The following DTD1 variants were observed in gnomAD, a reference collection of about 807,000 sequenced individuals.
DTD1 encodes D-aminoacyl-tRNA deacylase 1.
DTD1 carries 13 observed loss-of-function variants against 25.6 expected under a neutral mutation model. The observed-to-expected ratio is 0.51, with a 90% CI of 0.33 to 0.81. DTD1 has a LOEUF of 0.81. Ranked by LOEUF, DTD1 falls within the 30% of genes least tolerant of loss-of-function variation. DTD1 has a pLI of 0.02. For synonymous variants in DTD1, 110 were observed against 103.6 expected (o/e 1.06, Z -0.37); for missense variants, 193 against 266.4 (o/e 0.72, Z 1.92).
intron 4 of DTD1, among the ~76,000 whole-genome samples, chr20:18,707,032 G>A (rs2061129427): frequency 6.6e-6 from 1 of 152,194 alleles, no homozygotes; most frequent in Admixed American, 6.5e-5. Context: ...GGTGTGGGGT[G>A]GATGCCACTG....
In DTD1 at chr20:18,670,836, A is replaced by C. The variant is rs187415805; in HGVS notation, c.477+42603A>C. On this transcript the variant is annotated intron_variant, in intron 4 of 5. Coordinates refer to ENST00000377452, the MANE Select transcript of DTD1 (RefSeq NM_080820.6). The stretch of plus-strand genomic sequence containing the variant: ...ACATCCAGACAGTGAAAACATTGTC[A>C]TCATCATCAGTATCACCTATTAACA... Among the ~76,000 whole-genome samples the C allele has an allele frequency of 1.1e-3, 170 of 152,346 alleles. 1 individual carries two copies. Among genetic ancestry groups the C allele is most frequent in the African/African-American group, 3.9e-3 (162 of 41,576 alleles).
chr20:18,692,753 C>T (rs1314654423), intron 4 of DTD1, among the ~76,000 whole-genome samples: 1 of 152,200 alleles, frequency 6.6e-6, no homozygotes, highest in African/African-American at 2.4e-5. Flanking sequence ...GAAATCATCC[C>T]TGAAAAATCT....
Position 18,646,712 on chromosome 20 carries a change from G to A in DTD1, c.477+18479G>A, listed in dbSNP as rs146362544. 3.7e-4 allele frequency among the ~76,000 whole-genome samples: 57 copies of A among 152,276 alleles called. 1 individual carries two copies. The East Asian group carries it at 0.01, about 28-fold the overall frequency. ...TGGTGTTGACAGTTGGCCATTCATA[G>A]GTGTGCCTTCCTCATGTGCCCTCAT... On this transcript the variant is annotated intron_variant, in intron 4 of 5. Transcript: ENST00000377452.
intron 4 of DTD1, among the ~76,000 whole-genome samples, chr20:18,688,410 A>G (rs1392529198): frequency 6.6e-6 from 1 of 152,174 alleles, no homozygotes; most frequent in African/African-American, 2.4e-5. Context: ...GTGTGAACCT[A>G]GATTCATGCA....
Position 18,761,038 on chromosome 20 carries a change from C to T in DTD1, c.*20-2322C>T, listed in dbSNP as rs372658607. ...TGGGCGTAGGACCCTCAGAGCCATG[C>T]GCGGGATATAATCTCCTGGTGTGCC... is the stretch of plus-strand genomic sequence containing the variant. On this transcript the variant is annotated intron_variant, in intron 5 of 5. Coordinates refer to ENST00000377452, the MANE Select transcript of DTD1 (RefSeq NM_080820.6). 1.8e-3 allele frequency among the ~76,000 whole-genome samples: 271 copies of T among 152,262 alleles called. 2 individuals are homozygous for T. The South Asian group carries it at 0.034, about 19-fold the overall frequency.
rs371715201 is a variant in DTD1 at position 18,660,447 on chromosome 20, C to T, written c.477+32214C>T. Among the ~76,000 whole-genome samples the T allele has an allele frequency of 5.3e-5, 8 of 152,064 alleles. No individual in the cohort carries two copies. The East Asian group carries it at 1.2e-3, about 22-fold the overall frequency. On this transcript the variant is annotated intron_variant, in intron 4 of 5. Coordinates refer to ENST00000377452, the MANE Select transcript of DTD1 (RefSeq NM_080820.6). ...TGTTGCCAAGGCTGGTCTCGAACTC[C>T]TGAGCTCAAGTAATCTGCCTGCCTT...
chr20:18,702,664 A>T (rs899345230), intron 4 of DTD1, among the ~76,000 whole-genome samples: 2 of 148,810 alleles, frequency 1.3e-5, no homozygotes, highest in Non-Finnish European at 3.0e-5. Flanking sequence ...TGAAGAGAAC[A>T]TGCCTGCCAT....
intron 4 of DTD1, among the ~76,000 whole-genome samples, chr20:18,722,426 CT>C (rs11329547): frequency 0.35 from 52,873 of 152,114 alleles, 9,510 homozygotes; most frequent in Non-Finnish European, 0.4. Context: ...GTAAAGGAGA[CT>C]TAAGATGGTT....
intron 3 of DTD1, among the ~76,000 whole-genome samples, chr20:18,606,877 T>C (rs2060661454): frequency 1.3e-5 from 2 of 150,592 alleles, no homozygotes; most frequent in African/African-American, 4.9e-5. Flanking sequence ...TGTATACATA[T>C]GTAACTAACC....
intron 4 of DTD1, among the ~76,000 whole-genome samples, chr20:18,692,360 T>G (rs2122438791): frequency 6.6e-6 from 1 of 152,360 alleles, no homozygotes; most frequent in South Asian, 2.1e-4. Flanking sequence ...TCTCCATTCA[T>G]ATTTGCCACA....
intron 3 of DTD1, among the ~76,000 whole-genome samples, chr20:18,617,880 T>C (rs1020600671): frequency 6.6e-6 from 1 of 151,792 alleles, no homozygotes; most frequent in Admixed American, 6.6e-5. Flanking sequence ...GACTTCTTTC[T>C]TTTTTTTTCT....
intron 4 of DTD1, among the ~76,000 whole-genome samples, chr20:18,647,435 T>C (rs1021403236): frequency 3.3e-5 from 5 of 151,264 alleles, no homozygotes; most frequent in Non-Finnish European, 7.4e-5. Context: ...TACAGGGAGG[T>C]TTGGTGGGGG....
intron 3 of DTD1, among the ~76,000 whole-genome samples, chr20:18,616,418 G>T (rs528249899): frequency 6.6e-6 from 1 of 152,046 alleles, no homozygotes; most frequent in Non-Finnish European, 1.5e-5. Flanking sequence ...GATTTGCTTA[G>T]TTGATTGTCT....
intron 3 of DTD1, among the ~76,000 whole-genome samples, chr20:18,607,280 G>T (rs529610375): frequency 1.7e-4 from 26 of 152,150 alleles, no homozygotes; most frequent in African/African-American, 6.3e-4. Flanking sequence ...TCATACCTCA[G>T]CCTCCTGAGT....
chr20:18,631,508 AT>A, intron 4 of DTD1: 1 of 985,460 alleles, frequency 1.0e-6, no homozygotes, highest in Non-Finnish European at 1.2e-6. Context: ...ATATGCCCAA[AT>A]GTCTCCAATT....
At chr20:18,598,931 A>C (rs1262018017) in intron 3 of DTD1, among the ~76,000 whole-genome samples, 1 of 151,928 alleles carries the variant, frequency 6.6e-6, no homozygotes, top group South Asian at 2.1e-4. Context: ...CTTTTTTAGA[A>C]TGTCATATAT....
intron 4 of DTD1, among the ~76,000 whole-genome samples, chr20:18,702,453 C>T (rs1792112000): frequency 6.6e-6 from 1 of 152,126 alleles, no homozygotes; most frequent in South Asian, 2.1e-4. Flanking sequence ...GCTAATTTAG[C>T]AAGGGCTATA....
chr20:18,612,487 C>T (rs1216791622), intron 3 of DTD1, among the ~76,000 whole-genome samples: 2 of 152,098 alleles, frequency 1.3e-5, no homozygotes, highest in African/African-American at 4.8e-5. Context: ...ATGAGGATTA[C>T]TGCCATTCTG....
chr20:18,758,235 T>G (rs778273961), intron 5 of DTD1, among the ~76,000 whole-genome samples: 1 of 152,170 alleles, frequency 6.6e-6, no homozygotes, highest in African/African-American at 2.4e-5. Flanking sequence ...CCTGGATTCA[T>G]TGATTTTTTG....
Sources: allele counts gnomAD v4.1 joint callset (sites outside exome capture counted in the v4.1 genomes callset), GRCh38; gene constraint gnomAD v4.1.1; transcripts MANE v1.5; gene names NCBI Gene and HGNC (gene_info 2026-07-23, HGNC 2026-07-21).